WDR62: variants seen among roughly 807,000 people sequenced by gnomAD.
WDR62 encodes the protein WD repeat domain 62, also known as WD repeat-containing protein 62.
WDR62 carries 112 observed loss-of-function variants against 160.6 expected under a neutral mutation model. The ratio of observed to expected loss-of-function variants is 0.70; its 90% CI spans 0.60 to 0.82. WDR62 has a LOEUF of 0.82. Among genes scored for constraint, WDR62 ranks in the 40% least tolerant of loss-of-function variants. WDR62 has a pLI of 0.00. For synonymous variants in WDR62, 792 were observed against 815.1 expected (o/e 0.97, Z 0.48); for missense variants, 1,819 against 1,983.8 (o/e 0.92, Z 1.58).
chr19:36,058,947 C>T, intron 2 of WDR62, 76 bp downstream of exon 2: 3 of 1,202,726 alleles, frequency 2.5e-6, no homozygotes, highest in South Asian at 1.3e-5. Flanking sequence ...ATCCGTAAAT[C>T]GCTCTGAGCC....
rs777882010 is a variant in WDR62, at chr19:36,101,181, C to T, written c.2868-33C>T. On this transcript the variant is annotated intron_variant, in intron 23 of 31. Coordinates refer to ENST00000401500, the MANE Select transcript of WDR62 (RefSeq NM_001083961.2). ...AGCTGTTGAGTCTCCAGCTGAAGTCCTTGTTCCCTCTCTGCCCCCACTGGC... is the reference window on the plus strand; with the variant it reads ...AGCTGTTGAGTCTCCAGCTGAAGTCTTTGTTCCCTCTCTGCCCCCACTGGC... 3 of 1,582,520 alleles carry T rather than the reference C, an allele frequency of 1.9e-6. No homozygotes were observed. The South Asian group carries it at 3.4e-5, about 18-fold the overall frequency.
intron 7 of WDR62, among the ~76,000 whole-genome samples, chr19:36,069,193 A>T (rs1387167193): frequency 2.8e-5 from 4 of 143,380 alleles, no homozygotes; most frequent in Non-Finnish European, 4.4e-5. Flanking sequence ...TCCCTCCGGG[A>T]CGGGGCGGCT....
Position 36,092,799 on chromosome 19 carries a change from G to A in WDR62, c.2321G>A (p.Ser774Asn). The change falls in exon 19 of 32, where the codon AGT becomes AAT. Residue 774 changes from serine to asparagine, a missense_variant. Around this residue, in one of 3 missense-constraint regions of WDR62, gnomAD observed 934 missense variants for 1,157.2 expected, o/e 0.81. Coordinates refer to ENST00000401500, the MANE Select transcript of WDR62 (RefSeq NM_001083961.2). ...CAGCACACAAATGACAAGAAGCGGAGTGGCCACCCCAGGTCCTGGCAGCCC... is the reference window on the plus strand; with the variant it reads ...CAGCACACAAATGACAAGAAGCGGAATGGCCACCCCAGGTCCTGGCAGCCC... ...QQQHTNDKKR[S>N]GHPRQDTYVS... 6.2e-7 allele frequency: 1 copy of A among 1,614,064 alleles called. No homozygotes were observed. The highest frequency in any genetic ancestry group is 8.5e-7 in the Non-Finnish European group (1 of 1,179,992).
In WDR62 at chr19:36,099,549, C is replaced by T. The variant is rs771828080; in HGVS notation, c.2671C>T (p.Pro891Ser). The change falls in exon 22 of 32, where the codon CCC becomes TCC. Residue 891 changes from proline (P) to serine (S), a missense_variant. Physicochemically the swap from Pro to Ser is moderately conservative, Grantham distance 74 (BLOSUM62 -1). Around this residue, in one of 3 missense-constraint regions of WDR62, gnomAD observed 934 missense variants for 1,157.2 expected, o/e 0.81. Coordinates refer to ENST00000401500, the MANE Select transcript of WDR62 (RefSeq NM_001083961.2). ...GGATTGCTACTTTACCCCCATGAAG[C>T]CCGAGAGTCTGGAGAACTCCATTCT... ...DLDCYFTPMK[P>S]ESLENSILDS... The T allele has an allele frequency of 6.2e-7, 1 of 1,614,216 alleles. No homozygotes were observed. Among genetic ancestry groups the T allele is most frequent in the South Asian group, 1.1e-5 (1 of 91,092 alleles).
At chr19:36,103,121 G>T in intron 28 of WDR62, 35 bp from the exon 29 acceptor site, 1 of 1,614,030 alleles carries the variant, frequency 6.2e-7, no homozygotes, top group Middle Eastern at 1.6e-4. Context: ...TGGGAACCCT[G>T]AGGCCTTGTC....
Position 36,067,458 on chromosome 19 carries a change from C to T in WDR62, c.699+15C>T, listed in dbSNP as rs749130534. ...CTGAGACAAAGGTGAGTTTCTGTCC[C>T]TGCCCCTTTAGCCAGGCCCTGAGGG... is the stretch of plus-strand genomic sequence containing the variant. On this transcript the variant is annotated intron_variant, in intron 6 of 31. Coordinates refer to ENST00000401500, the MANE Select transcript of WDR62 (RefSeq NM_001083961.2). The T allele has an allele frequency of 2.5e-6, 4 of 1,614,096 alleles. No individual in the cohort carries two copies. Among genetic ancestry groups the T allele is most frequent in the African/African-American group, 1.3e-5 (1 of 75,060 alleles).
chr19:36,079,396 T>G (rs1971764155), intron 9 of WDR62, among the ~76,000 whole-genome samples: 1 of 152,224 alleles, frequency 6.6e-6, no homozygotes, highest in Non-Finnish European at 1.5e-5. Flanking sequence ...TATGGCAGCC[T>G]GCTTTCTGAT....
At position 36,103,971 on chromosome 19, in the gene WDR62, G is replaced by A; in HGVS notation, c.4143G>A (p.Glu1381=). ...CTGGCGGCACTGCCTCCCTCCTGGA[G>A]CCCACCTCCGGTGAGTACAGCCCTG... ...GIPGGTASLL[E]PTSGALGLLQ... The change falls in exon 30 of 32, where the codon GAG becomes GAA. Residue 1381 remains glutamate, a synonymous_variant. Coordinates refer to ENST00000401500, the MANE Select transcript of WDR62 (RefSeq NM_001083961.2). 6.3e-7 allele frequency: 1 copy of A among 1,597,986 alleles called. No individual in the cohort carries two copies. Among genetic ancestry groups the A allele is most frequent in the Non-Finnish European group, 8.5e-7 (1 of 1,179,838 alleles).
At chr19:36,086,918 AGT>A in intron 13 of WDR62, 106 bp downstream of exon 13, 1 of 1,429,714 alleles carries the variant, frequency 7.0e-7, no homozygotes, top group Non-Finnish European at 9.5e-7. Flanking sequence ...AAGTGAATAC[AGT>A]ATCTGTGTAC....
At chr19:36,086,034 C>A (rs543933911) in intron 12 of WDR62, among the ~76,000 whole-genome samples, 1 of 152,124 alleles carries the variant, frequency 6.6e-6, no homozygotes, top group African/African-American at 2.4e-5. Flanking sequence ...GTAATCCCAG[C>A]ACTTTGGGAG....
At chr19:36,097,973 T>A (rs536831865) in intron 21 of WDR62, among the ~76,000 whole-genome samples, 1 of 152,176 alleles carries the variant, frequency 6.6e-6, no homozygotes, top group Non-Finnish European at 1.5e-5. Flanking sequence ...AAATGATGTT[T>A]GAGCAGAGTT....
chr19:36,065,826 G>C lies in WDR62; in HGVS notation c.333-132G>C, dbSNP rs1034043502. ...GGCACTGGCTCTGTGGGAGCTGCTT[G>C]AGCTCACCTCTGCTGGCCTCTTCCG... On this transcript the variant is annotated intron_variant, in intron 3 of 31. Transcript: ENST00000401500. 3 of 875,242 alleles carry C rather than the reference G, an allele frequency of 3.4e-6. No individual in the cohort carries two copies. The Admixed American group carries it at 5.1e-5, about 15-fold the overall frequency. The allele number at this position is 875,242 out of a possible 1,614,324, so 54.2% of individuals were successfully genotyped here.
At chr19:36,102,923 A>G (rs1197130506) in intron 27 of WDR62, 25 bp from the exon 28 acceptor site, 3 of 1,614,058 alleles carry the variant, frequency 1.9e-6, no homozygotes, top group Non-Finnish European at 2.5e-6. Context: ...AATGAGAATC[A>G]TCCCCCCTGC....
At chr19:36,086,838 G>T in intron 13 of WDR62, 26 bp downstream of exon 13, 1 of 1,604,752 alleles carries the variant, frequency 6.2e-7, no homozygotes, top group East Asian at 2.2e-5. Context: ...CCCGCTCCCT[G>T]CGCCTTGCTA....
chr19:36,096,226 G>A (rs1241402472), intron 20 of WDR62, among the ~76,000 whole-genome samples: 1 of 152,032 alleles, frequency 6.6e-6, no homozygotes, highest in African/African-American at 2.4e-5. Context: ...GAGTAGCTGG[G>A]ACCACAGGCT....
intron 13 of WDR62, 37 bp downstream of exon 13, chr19:36,086,849 G>A (rs774106076): frequency 1.3e-6 from 2 of 1,598,000 alleles, no homozygotes; most frequent in Non-Finnish European, 1.7e-6. Context: ...CGCCTTGCTA[G>A]CTACCCTGCT....
intron 10 of WDR62, chr19:36,081,905 C>T (rs1450404164): frequency 4.1e-6 from 2 of 490,676 alleles, no homozygotes; most frequent in Admixed American, 2.3e-5. Flanking sequence ...GGGAGAGCAC[C>T]TGATGAGCCA....
intron 3 of WDR62, chr19:36,060,921 C>G (rs561860322): frequency 6.6e-6 from 1 of 152,402 alleles, no homozygotes; most frequent in African/African-American, 2.4e-5. Flanking sequence ...AGAAAGATCC[C>G]TTCAGCTATA....
chr19:36,093,759 C>T (rs1041249627), intron 19 of WDR62, among the ~76,000 whole-genome samples: 1 of 152,252 alleles, frequency 6.6e-6, no homozygotes, highest in South Asian at 2.1e-4. Flanking sequence ...CACAGGACTG[C>T]AGCCCCGCTG....
Sources: gnomAD v4.1 joint callset for allele counts (sites outside exome capture counted in the v4.1 genomes callset) on GRCh38, gnomAD v4.1.1 for gene constraint, gnomAD v4.1.1 regional missense constraint, MANE v1.5 for transcripts, NCBI Gene and HGNC (gene_info 2026-07-23, HGNC 2026-07-21) for gene names.